AOPEP: variants seen among roughly 807,000 people sequenced by gnomAD.
AOPEP encodes the protein aminopeptidase O.
A neutral mutation model predicts 98.1 loss-of-function variants in AOPEP; 77 were observed. That is an observed-to-expected ratio of 0.78 (90% CI 0.65 to 0.95). The LOEUF is 0.95. Ranked by LOEUF, AOPEP falls within the 40% of genes least tolerant of loss-of-function variation. The pLI, the probability that AOPEP is intolerant of heterozygous loss-of-function variation, is 0.00. For synonymous variants in AOPEP, 346 were observed against 365.3 expected (o/e 0.95, Z 0.60); for missense variants, 1,024 against 1,024.7 (o/e 1.00, Z 0.01).
chr9:94,910,313 C>G (rs1351113966), intron 5 of AOPEP, among the ~76,000 whole-genome samples: 2 of 152,230 alleles, frequency 1.3e-5, no homozygotes, highest in Non-Finnish European at 2.9e-5. Flanking sequence ...GGGCCCTGCA[C>G]TCCAGTGCAG....
intron 11 of AOPEP, among the ~76,000 whole-genome samples, chr9:94,987,433 CA>C (rs2060590934): frequency 6.6e-6 from 1 of 152,210 alleles, no homozygotes. Context: ...CCTGTTTGAA[CA>C]GCATCAGGCA....
intron 7 of AOPEP, among the ~76,000 whole-genome samples, chr9:94,950,402 G>C (rs766260649): frequency 1.3e-5 from 2 of 152,190 alleles, no homozygotes; most frequent in Admixed American, 6.5e-5. Context: ...TTTCACAGAT[G>C]AGGGAGCCGG....
chr9:94,760,261 G>A lies in AOPEP; in HGVS notation c.478G>A (p.Asp160Asn). 1 of 1,614,160 alleles carries A rather than the reference G, an allele frequency of 6.2e-7. No homozygotes were observed. Among genetic ancestry groups the A allele is most frequent in the Non-Finnish European group, 8.5e-7 (1 of 1,180,030 alleles). Residue 160 changes from aspartate to asparagine, a missense_variant, in exon 2 of 17, where the codon GAT becomes AAT. Transcript: ENST00000375315. ...DLSVLKVEEV[D>N]VAAVPGLEKF... ...ATCTGTGTTAAAAGTCGAGGAGGTG[G>A]ATGTTGCTGCTGTGCCAGGTCTGGA...
intron 13 of AOPEP, among the ~76,000 whole-genome samples, chr9:95,025,047 T>G (rs1244873952): frequency 6.6e-6 from 1 of 152,236 alleles, no homozygotes; most frequent in Non-Finnish European, 1.5e-5. Flanking sequence ...TTTATAAAAA[T>G]CAAATCATTA....
intron 5 of AOPEP, among the ~76,000 whole-genome samples, chr9:94,907,280 G>T (rs1351836957): frequency 6.6e-6 from 1 of 152,186 alleles, no homozygotes; most frequent in Non-Finnish European, 1.5e-5. Context: ...CATGTGTGGA[G>T]CATGTGAACA....
the AOPEP span, among the ~76,000 whole-genome samples, chr9:95,105,158 C>T: frequency 6.6e-6 from 1 of 152,230 alleles, no homozygotes; most frequent in Non-Finnish European, 1.5e-5. Context: ...TTAGCTGAGA[C>T]ACCAGCACCT....
chr9:95,038,017 C>T (rs187808670), intron 13 of AOPEP, among the ~76,000 whole-genome samples: 1 of 152,254 alleles, frequency 6.6e-6, no homozygotes, highest in East Asian at 1.9e-4. Flanking sequence ...AGAAACCTTC[C>T]ATCCAGCTGT....
intron 13 of AOPEP, among the ~76,000 whole-genome samples, chr9:95,047,344 C>T (rs2065942556): frequency 6.6e-6 from 1 of 152,094 alleles, no homozygotes; most frequent in Non-Finnish European, 1.5e-5. Context: ...AAACTTTGTT[C>T]AGTAATTCTT....
chr9:95,052,788 T>C (rs759857710), intron 13 of AOPEP, among the ~76,000 whole-genome samples: 15 of 152,186 alleles, frequency 9.9e-5, no homozygotes, highest in Non-Finnish European at 2.1e-4. Flanking sequence ...AAAATCTGAA[T>C]ATATTTTATA....
chr9:95,029,484 C>T (rs1418920946), intron 13 of AOPEP, among the ~76,000 whole-genome samples: 1 of 152,040 alleles, frequency 6.6e-6, no homozygotes, highest in African/African-American at 2.4e-5. Context: ...TTTTTGTGTG[C>T]TGCGTGTCAC....
At chr9:94,935,502 A>C (rs1286655336) in intron 7 of AOPEP, 1 of 152,330 alleles carries the variant, frequency 6.6e-6, no homozygotes, top group Non-Finnish European at 1.5e-5. Flanking sequence ...ACTCTGGAAG[A>C]AGCATGGGTC....
chr9:94,819,844 A>G (rs954216522), intron 5 of AOPEP, among the ~76,000 whole-genome samples: 1 of 151,434 alleles, frequency 6.6e-6, no homozygotes, highest in Non-Finnish European at 1.5e-5. Flanking sequence ...AAGTGCTGGG[A>G]TTACAGGAAT....
chr9:95,150,000 G>A, the AOPEP span: 118 of 1,613,860 alleles, frequency 7.3e-5, no homozygotes, highest in South Asian at 2.0e-4. Context: ...GACAGATGAG[G>A]AGAGCCTCCA....
At chr9:94,877,809 A>G (rs957486775) in intron 5 of AOPEP, among the ~76,000 whole-genome samples, 2 of 152,220 alleles carry the variant, frequency 1.3e-5, no homozygotes, top group African/African-American at 4.8e-5. Flanking sequence ...TGATGTCTAG[A>G]AGCACAATAT....
At chr9:94,989,513 G>C (rs747525074) in intron 11 of AOPEP, among the ~76,000 whole-genome samples, 12 of 151,916 alleles carry the variant, frequency 7.9e-5, no homozygotes, top group Non-Finnish European at 1.6e-4. Flanking sequence ...GGGATTACAG[G>C]CATGAGCCAC....
At chr9:95,058,235 T>G (rs2067004051) in intron 13 of AOPEP, among the ~76,000 whole-genome samples, 1 of 152,218 alleles carries the variant, frequency 6.6e-6, no homozygotes, top group South Asian at 2.1e-4. Flanking sequence ...TGGGGTTAAG[T>G]TGAGGACCAA....
At chr9:94,808,267 T>C (rs1849685558) in intron 5 of AOPEP, among the ~76,000 whole-genome samples, 1 of 152,220 alleles carries the variant, frequency 6.6e-6, no homozygotes, top group Admixed American at 6.5e-5. Context: ...CACGAACTCC[T>C]GAGCTCAGGC....
intron 5 of AOPEP, among the ~76,000 whole-genome samples, chr9:94,888,087 A>G (rs2048435746): frequency 1.3e-5 from 2 of 152,220 alleles, no homozygotes; most frequent in African/African-American, 4.8e-5. Flanking sequence ...TTATAGTAGC[A>G]CCTAACTAAT....
At chr9:94,816,370 A>G (rs1336821239) in intron 5 of AOPEP, among the ~76,000 whole-genome samples, 1 of 150,076 alleles carries the variant, frequency 6.7e-6, no homozygotes, top group African/African-American at 2.5e-5. Flanking sequence ...CACCAAGTTA[A>G]CTCAGGTGAG....
Sources: allele counts gnomAD v4.1 joint callset (sites outside exome capture counted in the v4.1 genomes callset), GRCh38; gene constraint gnomAD v4.1.1; transcripts MANE v1.5; gene names NCBI Gene and HGNC (gene_info 2026-07-23, HGNC 2026-07-21).